The following GATAD2B variants were observed in gnomAD, a reference collection of about 807,000 sequenced individuals.
The protein encoded by GATAD2B is transcriptional repressor p66-beta.
In GATAD2B, 8 loss-of-function variants were observed where a neutral mutation model predicts 64.3. The ratio of observed to expected loss-of-function variants is 0.12; its 90% CI spans 0.07 to 0.22. The LOEUF is 0.22. GATAD2B is among the 10% of genes least tolerant of loss of function. The probability of loss-of-function intolerance (pLI) is 1.00; values close to 1 mark genes in which losing one functional copy is unlikely to be tolerated. For missense variants in GATAD2B, 453 were observed against 752.0 expected (o/e 0.60, Z 4.65); for synonymous variants, 281 against 271.3 (o/e 1.04, Z -0.35).
At chr1:153,849,345 C>T (rs1223710582) in intron 1 of GATAD2B, among the ~76,000 whole-genome samples, 5 of 152,198 alleles carry the variant, frequency 3.3e-5, no homozygotes, top group African/African-American at 1.2e-4. Flanking sequence ...GCCCTAACAA[C>T]TTAATCACTT....
chr1:153,865,829 T>C (rs1426751915), intron 1 of GATAD2B, among the ~76,000 whole-genome samples: 6 of 151,994 alleles, frequency 3.9e-5, no homozygotes, highest in South Asian at 2.1e-4. Flanking sequence ...ATTTAAACCT[T>C]AGAACGGTCT....
At chr1:153,848,132 T>C (rs377558909) in intron 1 of GATAD2B, among the ~76,000 whole-genome samples, 37 of 152,332 alleles carry the variant, frequency 2.4e-4, no homozygotes, top group African/African-American at 8.7e-4. Context: ...TAGTATTTCT[T>C]ACACCTTAGA....
intron 1 of GATAD2B, among the ~76,000 whole-genome samples, chr1:153,860,633 T>C (rs764345525): frequency 2.0e-5 from 3 of 151,832 alleles, no homozygotes; most frequent in Non-Finnish European, 4.4e-5. Flanking sequence ...CTGCCACTGG[T>C]AGTTAAAATT....
rs1674945065 is a variant in GATAD2B at position 153,828,082 on chromosome 1, T to C, written c.266A>G (p.Asn89Ser). Reference protein sequence around the residue: ...LNGNLRPHGDNRTAGRPGKEN... With the variant: ...LNGNLRPHGDSRTAGRPGKEN... ...TTTGCCTGGCCTTCCAGCAGTCCTG[T>C]TGTCTCCATGAGGCCTGAGATTCCC... is the stretch of plus-strand genomic sequence containing the variant. The change falls in exon 2 of 11, where the codon AAC becomes AGC. Residue 89 changes from asparagine (N) to serine (S), a missense_variant. By Grantham distance (46) the Asn-to-Ser change is conservative. Transcript: ENST00000368655. The C allele has an allele frequency of 1.2e-6, 2 of 1,614,212 alleles. No homozygotes were observed. Among genetic ancestry groups the C allele is most frequent in the Non-Finnish European group, 8.5e-7 (1 of 1,180,030 alleles).
chr1:153,845,527 C>T (rs1675653768), intron 1 of GATAD2B, among the ~76,000 whole-genome samples: 1 of 151,924 alleles, frequency 6.6e-6, no homozygotes, highest in African/African-American at 2.4e-5. Context: ...GGGTGGATCC[C>T]ATGAGCTCAG....
At chr1:153,909,258 G>C (rs1294478499) in intron 1 of GATAD2B, among the ~76,000 whole-genome samples, 2 of 151,648 alleles carry the variant, frequency 1.3e-5, no homozygotes, top group African/African-American at 4.8e-5. Context: ...CTGTCGCCCA[G>C]GCTGGAGTAC....
At chr1:153,870,784 T>C (rs1363464528) in intron 1 of GATAD2B, among the ~76,000 whole-genome samples, 2 of 152,122 alleles carry the variant, frequency 1.3e-5, no homozygotes, top group Non-Finnish European at 2.9e-5. Flanking sequence ...TACAGAAATA[T>C]CCCAAAATCC....
intron 7 of GATAD2B, among the ~76,000 whole-genome samples, chr1:153,814,492 G>T (rs928214058): frequency 6.6e-6 from 1 of 152,184 alleles, no homozygotes; most frequent in Non-Finnish European, 1.5e-5. Flanking sequence ...GAAGTTCCAG[G>T]CCAGGCATGG....
chr1:153,843,153 G>A (rs1380074267), intron 1 of GATAD2B, among the ~76,000 whole-genome samples: 1 of 148,496 alleles, frequency 6.7e-6, no homozygotes, highest in Non-Finnish European at 1.5e-5. Context: ...TTTTTTTTAA[G>A]AGACAGTATC....
intron 7 of GATAD2B, among the ~76,000 whole-genome samples, chr1:153,815,650 A>C (rs1674452682): frequency 6.6e-6 from 1 of 152,196 alleles, no homozygotes; most frequent in Non-Finnish European, 1.5e-5. Context: ...TGACCTGCTG[A>C]AGGGAAAAAA....
At chr1:153,892,493 T>C (rs1355272562) in intron 1 of GATAD2B, among the ~76,000 whole-genome samples, 1 of 152,090 alleles carries the variant, frequency 6.6e-6, no homozygotes, top group Non-Finnish European at 1.5e-5. Context: ...CTCTAGACTG[T>C]AGAGGGATAC....
At chr1:153,845,651 C>A (rs930095346) in intron 1 of GATAD2B, among the ~76,000 whole-genome samples, 4 of 102,802 alleles carry the variant, frequency 3.9e-5, no homozygotes, top group Non-Finnish European at 6.0e-5. Context: ...CGGGGGGCTG[C>A]AAGGGGGGGT....
intron 1 of GATAD2B, among the ~76,000 whole-genome samples, chr1:153,899,174 G>A (rs1677691842): frequency 6.6e-6 from 1 of 152,216 alleles, no homozygotes; most frequent in African/African-American, 2.4e-5. Flanking sequence ...AGGACTGCTT[G>A]ACCCAGAAGT....
At chr1:153,815,293 C>CAAAA (rs71093285) in intron 7 of GATAD2B, among the ~76,000 whole-genome samples, 3 of 111,848 alleles carry the variant, frequency 2.7e-5, no homozygotes, top group African/African-American at 6.8e-5. Flanking sequence ...AAAAAAAAAA[C>CAAAA]AAAAAAAAAA....
intron 1 of GATAD2B, among the ~76,000 whole-genome samples, chr1:153,904,495 A>T (rs1019867163): frequency 6.6e-6 from 1 of 152,134 alleles, no homozygotes; most frequent in South Asian, 2.1e-4. Flanking sequence ...ACCATAACAA[A>T]ATGATTCATT....
intron 1 of GATAD2B, among the ~76,000 whole-genome samples, chr1:153,878,112 A>C (rs1392918034): frequency 3.3e-5 from 5 of 151,732 alleles, no homozygotes; most frequent in Non-Finnish European, 7.4e-5. Context: ...AATTGCAGGC[A>C]GCCTGGGGAA....
At chr1:153,852,740 A>T (rs1403902295) in intron 1 of GATAD2B, 3 of 916,260 alleles carry the variant, frequency 3.3e-6, no homozygotes, top group Non-Finnish European at 5.5e-6. Context: ...GTAGACAGGG[A>T]GTGAAGCTTG....
intron 1 of GATAD2B, among the ~76,000 whole-genome samples, chr1:153,883,335 A>G (rs1327926083): frequency 1.3e-5 from 2 of 152,266 alleles, no homozygotes; most frequent in Non-Finnish European, 2.9e-5. Context: ...GGCCACTGGC[A>G]TAAGAAATTC....
intron 1 of GATAD2B, chr1:153,853,218 G>A: frequency 8.8e-7 from 1 of 1,137,620 alleles, no homozygotes; most frequent in South Asian, 1.2e-5. Flanking sequence ...GATGGGCAGA[G>A]CACACTGGTC....
Sources: allele counts gnomAD v4.1 joint callset (sites outside exome capture counted in the v4.1 genomes callset), GRCh38; gene constraint gnomAD v4.1.1; transcripts MANE v1.5; gene names NCBI Gene and HGNC (gene_info 2026-07-23, HGNC 2026-07-21).